Variants in HSPBAP1 observed in about 807,000 individuals in gnomAD.
The protein encoded by HSPBAP1 is HSPB1 associated protein 1, also known as HSPB1-associated protein 1.
Under a neutral mutation model 45.2 loss-of-function variants are expected in HSPBAP1, and 27 were observed. The ratio of observed to expected loss-of-function variants is 0.60; its 90% CI spans 0.44 to 0.82. The LOEUF (loss-of-function observed/expected upper bound fraction) is 0.82. HSPBAP1 is among the 40% of genes least tolerant of loss of function. The probability of loss-of-function intolerance (pLI) is 0.00; values close to 1 mark genes in which losing one functional copy is unlikely to be tolerated. For missense variants in HSPBAP1, 510 were observed against 590.9 expected (o/e 0.86, Z 1.42); for synonymous variants, 204 against 202.7 (o/e 1.01, Z -0.06).
intron 5 of HSPBAP1, 79 bp from the exon 6 acceptor site, chr3:122,752,753 T>C: frequency 7.0e-7 from 1 of 1,428,164 alleles, no homozygotes; most frequent in Non-Finnish European, 9.4e-7. Flanking sequence ...TAATTGAGGC[T>C]GCTAGGAAAA....
intron 3 of HSPBAP1, among the ~76,000 whole-genome samples, chr3:122,763,689 T>A (rs1208147162): frequency 6.6e-6 from 1 of 152,224 alleles, no homozygotes; most frequent in Non-Finnish European, 1.5e-5. Context: ...ACATCACAAC[T>A]GTAATTACTC....
chr3:122,780,155 T>C (rs1935367393), intron 1 of HSPBAP1, among the ~76,000 whole-genome samples: 1 of 104,088 alleles, frequency 9.6e-6, no homozygotes, highest in Non-Finnish European at 2.2e-5. Flanking sequence ...CCCACCTCCC[T>C]CCTGGACGGG....
intron 2 of HSPBAP1, among the ~76,000 whole-genome samples, chr3:122,773,021 A>AT (rs946394076): frequency 1.6e-4 from 24 of 149,010 alleles, no homozygotes; most frequent in Non-Finnish European, 2.5e-4. Flanking sequence ...GCTAATTAAA[A>AT]TTTTTTTTTT....
chr3:122,745,159 C>G (rs998370804), intron 6 of HSPBAP1, among the ~76,000 whole-genome samples: 2 of 152,060 alleles, frequency 1.3e-5, no homozygotes, highest in Non-Finnish European at 2.9e-5. Flanking sequence ...CCAATGTAAT[C>G]AGACCAAATC....
At chr3:122,747,550 T>G (rs1200775717) in intron 6 of HSPBAP1, among the ~76,000 whole-genome samples, 48 of 120,722 alleles carry the variant, frequency 4.0e-4, no homozygotes, top group Admixed American at 3.7e-3. Context: ...GTCAGCCCCC[T>G]GCCCGGCCAG....
chr3:122,743,704 A>G (rs1204464338), intron 6 of HSPBAP1, among the ~76,000 whole-genome samples: 1 of 152,264 alleles, frequency 6.6e-6, no homozygotes, highest in Non-Finnish European at 1.5e-5. Context: ...AAAAAAATAT[A>G]TATGTGTGCA....
chr3:122,783,068 G>A (rs1335813109), intron 1 of HSPBAP1, among the ~76,000 whole-genome samples: 2 of 152,182 alleles, frequency 1.3e-5, no homozygotes, highest in African/African-American at 2.4e-5. Flanking sequence ...ATGCTTAGAA[G>A]GGAAAGGCAG....
intron 5 of HSPBAP1, chr3:122,753,827 G>T (rs951830822): frequency 1.0e-6 from 1 of 984,750 alleles, no homozygotes; most frequent in African/African-American, 1.7e-5. Flanking sequence ...AGCTGGGTTT[G>T]AGTGGATTAA....
rs185949376 is a variant in HSPBAP1, at chr3:122,775,343, A to T, written c.250+2378T>A. Among the ~76,000 whole-genome samples the T allele has an allele frequency of 2.4e-3, 373 of 152,366 alleles. 1 individual carries two copies. The highest frequency in any genetic ancestry group is 7.0e-3 in the African/African-American group (290 of 41,592). On this transcript the variant is annotated intron_variant, in intron 2 of 7. Transcript: ENST00000306103. ...GAAAATGGGCAAAGGATTTGAATAG[A>T]CATTTTTCCAAAGAAGACATACAAA...
chr3:122,777,698 A>G, intron 2 of HSPBAP1, 23 bp downstream of exon 2: 1 of 1,562,200 alleles, frequency 6.4e-7, no homozygotes, highest in Non-Finnish European at 8.8e-7. Flanking sequence ...AGACATTATG[A>G]TGGTGATTAC....
intron 6 of HSPBAP1, among the ~76,000 whole-genome samples, chr3:122,750,131 T>G (rs1275613291): frequency 6.6e-6 from 1 of 151,470 alleles, no homozygotes; most frequent in African/African-American, 2.4e-5. Context: ...CGTGCCACTA[T>G]GCCCAGCTAA....
At position 122,740,855 on chromosome 3, in the gene HSPBAP1, T is replaced by G. The variant is rs770076002; in HGVS notation, c.957A>C (p.Ala319=). The change falls in exon 8 of 8, where the codon GCA becomes GCC. Residue 319 remains alanine, a synonymous_variant. Transcript: ENST00000306103. ...NPTEVEETSH[A]VNCCYLNAAV... is the part of the protein sequence containing the mutation. ...CTGCATTTAAGTAGCAACAGTTGAC[T>G]GCATGGGACGTTTCCTCAACCTAAG... is the stretch of plus-strand genomic sequence containing the variant. The G allele has an allele frequency of 3.7e-6, 6 of 1,614,084 alleles. No individual in the cohort carries two copies. In the South Asian group the frequency reaches 6.6e-5, roughly 18 times the overall value.
intron 6 of HSPBAP1, among the ~76,000 whole-genome samples, chr3:122,745,984 G>T (rs1933833651): frequency 6.6e-6 from 1 of 152,214 alleles, no homozygotes. Context: ...CATTACATTT[G>T]TAGGTGGAAG....
chr3:122,749,892 G>A lies in HSPBAP1; in HGVS notation c.825+2699C>T, dbSNP rs147709005. Among the ~76,000 whole-genome samples the A allele has an allele frequency of 9.2e-4, 138 of 150,042 alleles. No homozygotes were observed. In the East Asian group the frequency reaches 0.023, roughly 25 times the overall value. ...CCCAAAGTGCCGGGATTATAGGTGT[G>A]AGCCACTGCACCCGGCCAAATTTGA... On this transcript the variant is annotated intron_variant, in intron 6 of 7. Transcript: ENST00000306103.
chr3:122,744,949 T>G (rs987240265), intron 6 of HSPBAP1, among the ~76,000 whole-genome samples: 3 of 152,162 alleles, frequency 2.0e-5, no homozygotes, highest in South Asian at 4.1e-4. Flanking sequence ...AAGAATATTA[T>G]GTAATCATCT....
At chr3:122,766,291 T>C (rs553045350) in intron 3 of HSPBAP1, among the ~76,000 whole-genome samples, 1 of 152,300 alleles carries the variant, frequency 6.6e-6, no homozygotes, top group South Asian at 2.1e-4. Context: ...ATGACAGATA[T>C]AAGAAAGCTT....
chr3:122,759,070 G>C, intron 4 of HSPBAP1, 154 bp downstream of exon 4: 1 of 1,170,282 alleles, frequency 8.5e-7, no homozygotes, highest in African/African-American at 1.5e-5. Context: ...AAAACCAGAG[G>C]TTAAGAGGTC....
chr3:122,775,255 G>A (rs930945448), intron 2 of HSPBAP1, among the ~76,000 whole-genome samples: 5 of 152,000 alleles, frequency 3.3e-5, no homozygotes, highest in African/African-American at 9.7e-5. Context: ...TACTTAATAA[G>A]GGTAGTATCC....
intron 2 of HSPBAP1, among the ~76,000 whole-genome samples, chr3:122,769,169 G>C (rs939455477): frequency 6.6e-6 from 1 of 152,060 alleles, no homozygotes; most frequent in Non-Finnish European, 1.5e-5. Context: ...ATTTGTACTT[G>C]TTATATAATG....
Sources: allele counts gnomAD v4.1 joint callset (sites outside exome capture counted in the v4.1 genomes callset), GRCh38; gene constraint gnomAD v4.1.1; transcripts MANE v1.5; gene names NCBI Gene and HGNC (gene_info 2026-07-23, HGNC 2026-07-21).